The following NHSL1 variants were observed in gnomAD, a reference collection of about 807,000 sequenced individuals.
NHSL1 encodes NHS-like protein 1.
A neutral mutation model predicts 95.0 loss-of-function variants in NHSL1; 48 were observed. The ratio of observed to expected loss-of-function variants is 0.51; its 90% CI spans 0.40 to 0.64. The LOEUF (loss-of-function observed/expected upper bound fraction) is 0.64, where lower values mean the gene tolerates loss of function less well. Among genes scored for constraint, NHSL1 ranks in the 30% least tolerant of loss-of-function variants. The pLI is 0.00. For missense variants in NHSL1, 1,971 were observed against 2,077.7 expected, an observed-to-expected ratio of 0.95 and a Z score of 1.00; for synonymous variants, 783 against 833.9, an observed-to-expected ratio of 0.94 and a Z score of 1.05.
chr6:138,586,960 T>C (rs893796987), intron 1 of NHSL1, among the ~76,000 whole-genome samples: 18 of 151,980 alleles, frequency 1.2e-4, no homozygotes, highest in Non-Finnish European at 2.4e-4. Context: ...GTTTGAGTTT[T>C]CTCGTTGGGC....
At chr6:138,650,714 C>T (rs1785080821) in intron 1 of NHSL1, 1 of 547,584 alleles carries the variant, frequency 1.8e-6, no homozygotes, top group South Asian at 1.4e-5. Flanking sequence ...ACATGCGGGA[C>T]ACGCACTGCA....
intron 1 of NHSL1, among the ~76,000 whole-genome samples, chr6:138,622,074 C>T (rs1019250171): frequency 6.6e-6 from 1 of 152,010 alleles, no homozygotes; most frequent in African/African-American, 2.4e-5. Flanking sequence ...AAAAAGCTAG[C>T]TATAATGAAA....
chr6:138,500,261 C>A (rs1780602997), upstream of NHSL1, among the ~76,000 whole-genome samples: 1 of 152,188 alleles, frequency 6.6e-6, no homozygotes, highest in Non-Finnish European at 1.5e-5. Context: ...ATCTGAGTTA[C>A]TCTTTAACTT....
chr6:138,527,202 G>A (rs11154981), intron 1 of NHSL1, among the ~76,000 whole-genome samples: 38,146 of 151,746 alleles, frequency 0.25, 5,864 homozygotes, highest in Middle Eastern at 0.48. Flanking sequence ...TGGATTTTGT[G>A]CAGATGAGGA....
chr6:138,515,334 GTTCA>G (rs1427812998), intron 1 of NHSL1, among the ~76,000 whole-genome samples: 2 of 152,150 alleles, frequency 1.3e-5, no homozygotes, highest in Non-Finnish European at 2.9e-5. Flanking sequence ...ACAGAAATCA[GTTCA>G]TTCATCTTCA....
At chr6:138,524,456 C>G (rs531106729) in intron 1 of NHSL1, among the ~76,000 whole-genome samples, 1 of 152,222 alleles carries the variant, frequency 6.6e-6, no homozygotes, top group African/African-American at 2.4e-5. Flanking sequence ...GTTTTGCCTG[C>G]TTTTGAACTT....
chr6:138,514,242 C>G (rs1232223861), intron 1 of NHSL1, among the ~76,000 whole-genome samples: 1 of 151,946 alleles, frequency 6.6e-6, no homozygotes, highest in African/African-American at 2.4e-5. Flanking sequence ...TGCTTGAACC[C>G]GGGAGGAGGG....
chr6:138,440,592 C>T (rs1402153018), intron 5 of NHSL1, among the ~76,000 whole-genome samples: 2 of 152,250 alleles, frequency 1.3e-5, no homozygotes, highest in Non-Finnish European at 1.5e-5. Flanking sequence ...CTATTCTCAC[C>T]TGACTATTGC....
At chr6:138,479,413 G>A (rs888138650) in intron 2 of NHSL1, among the ~76,000 whole-genome samples, 5 of 152,158 alleles carry the variant, frequency 3.3e-5, no homozygotes, top group African/African-American at 1.2e-4. Context: ...AAATAAGGGT[G>A]ACTTGAATAC....
At position 138,496,319 on chromosome 6, in the gene NHSL1, C is replaced by T. The variant is rs1389009492; in HGVS notation, c.111G>A (p.Pro37=). 49 of 1,550,578 alleles carry T rather than the reference C, an allele frequency of 3.2e-5. No individual in the cohort carries two copies. Among genetic ancestry groups the T allele is most frequent in the Middle Eastern group, 1.9e-4 (1 of 5,320 alleles). Residue 37 remains proline, a synonymous_variant, in exon 2 of 8, where the codon CCG becomes CCA. Transcript: ENST00000343505. ...ESRWTVHYTA[P]WHQQENVFLP... is the part of the protein sequence containing the mutation. ...GGAACACATTCTCCTGCTGGTGCCA[C>T]GGGGCAGTGTAGTGGACTGTCCATC...
At chr6:138,623,827 G>T (rs149162903) in intron 1 of NHSL1, among the ~76,000 whole-genome samples, 1 of 152,182 alleles carries the variant, frequency 6.6e-6, no homozygotes, top group African/African-American at 2.4e-5. Flanking sequence ...GGAGGTAACT[G>T]GATCATGGGG....
At chr6:138,443,483 GA>G (rs901475799) in intron 4 of NHSL1, among the ~76,000 whole-genome samples, 1 of 152,158 alleles carries the variant, frequency 6.6e-6, no homozygotes, top group Non-Finnish European at 1.5e-5. Context: ...TGCAGCAGAA[GA>G]AAAAACTTCC....
At chr6:138,555,803 T>C (rs1303419850) in intron 1 of NHSL1, among the ~76,000 whole-genome samples, 1 of 152,086 alleles carries the variant, frequency 6.6e-6, no homozygotes, top group African/African-American at 2.4e-5. Flanking sequence ...CACAGGGCAG[T>C]CAGGAATGTC....
chr6:138,424,399 T>A lies in NHSL1; in HGVS notation c.4503A>T (p.Arg1501=). 1 of 1,549,880 alleles carries A rather than the reference T, an allele frequency of 6.5e-7. No individual in the cohort carries two copies. The change falls in exon 8 of 8, where the codon CGA becomes CGT. Residue 1501 remains arginine, a synonymous_variant. Coordinates refer to ENST00000343505, the MANE Select transcript of NHSL1 (RefSeq NM_001144060.2). The surrounding 1 kb of genome is among the most constrained non-coding windows in gnomAD (Gnocchi z 5.9). ...TGCTGCTGGCGGCAGAAGGCGGCGT[T>A]CGGCTGCGGCCGTACCTGGGGCCGG... ...SFSGPRYGRS[R]TPPSAASSRY...
At chr6:138,447,836 C>T (rs574192733) in intron 3 of NHSL1, among the ~76,000 whole-genome samples, 3 of 152,150 alleles carry the variant, frequency 2.0e-5, no homozygotes, top group Non-Finnish European at 2.9e-5. Context: ...AGAAAAACAT[C>T]ATGGCTGTGG....
chr6:138,482,363 T>G lies in NHSL1; in HGVS notation c.212-8930A>C, dbSNP rs549854517. The stretch of plus-strand genomic sequence containing the variant: ...CAGGAGGCTGAGGCAGGAGAATTGC[T>G]TGAACCCGGGAGGCGGAGGTTGCAG... On this transcript the variant is annotated intron_variant, in intron 2 of 7. Transcript: ENST00000343505. 2.6e-5 allele frequency among the ~76,000 whole-genome samples: 4 copies of G among 151,230 alleles called. No individual in the cohort carries two copies. In the East Asian group the frequency reaches 5.9e-4, roughly 22 times the overall value.
chr6:138,499,506 A>T (rs147156359), upstream of NHSL1: 97 of 1,087,352 alleles, frequency 8.9e-5, no homozygotes, highest in African/African-American at 1.3e-3. Context: ...AAAAACTCCT[A>T]CTGAAACCTA....
At chr6:138,687,304 C>T (rs1000211361) in intron 1 of NHSL1, among the ~76,000 whole-genome samples, 3 of 151,510 alleles carry the variant, frequency 2.0e-5, no homozygotes, top group East Asian at 1.9e-4. Flanking sequence ...AAGAAGAAGA[C>T]GAAGTGCAGT....
intron 1 of NHSL1, among the ~76,000 whole-genome samples, chr6:138,649,876 A>G (rs552603256): frequency 1.9e-4 from 29 of 151,992 alleles, no homozygotes; most frequent in Non-Finnish European, 3.7e-4. Flanking sequence ...GTGGGTTCTG[A>G]CCCCATTATC....
Sources: allele counts gnomAD v4.1 joint callset (sites outside exome capture counted in the v4.1 genomes callset), GRCh38; gene constraint gnomAD v4.1.1; non-coding constraint Gnocchi (gnomAD v3.1); transcripts MANE v1.5; gene names NCBI Gene and HGNC (gene_info 2026-07-23, HGNC 2026-07-21).